Variants in VTI1A observed in about 807,000 individuals in gnomAD.
VTI1A encodes vesicle transport through interaction with t-SNAREs 1A.
A neutral mutation model predicts 34.9 loss-of-function variants in VTI1A; 22 were observed. The ratio of observed to expected loss-of-function variants is 0.63; its 90% CI spans 0.45 to 0.90. The LOEUF is 0.90. Ranked by LOEUF, VTI1A falls within the 40% of genes least tolerant of loss-of-function variation. The probability of loss-of-function intolerance (pLI) is 0.00; values close to 1 mark genes in which losing one functional copy is unlikely to be tolerated. For synonymous variants in VTI1A, 87 were observed against 97.3 expected (o/e 0.89, Z 0.62); for missense variants, 268 against 275.6 (o/e 0.97, Z 0.20).
At chr10:112,610,918 CA>C (rs768295498) in intron 5 of VTI1A, among the ~76,000 whole-genome samples, 2,752 of 120,058 alleles carry the variant, frequency 0.023, 60 homozygotes, top group African/African-American at 0.066. Context: ...GACTCCATCT[CA>C]AAAAAAAAAA....
intron 3 of VTI1A, among the ~76,000 whole-genome samples, chr10:112,518,672 C>CAT (rs1358635833): frequency 3.2e-4 from 47 of 146,512 alleles, no homozygotes; most frequent in African/African-American, 7.3e-4. Context: ...TATATATACA[C>CAT]ACACACACAC....
At chr10:112,609,927 G>A (rs1410814822) in intron 5 of VTI1A, among the ~76,000 whole-genome samples, 1 of 151,996 alleles carries the variant, frequency 6.6e-6, no homozygotes, top group Non-Finnish European at 1.5e-5. Context: ...GGATAGGGAA[G>A]TTTTAGTCTT....
At position 112,751,065 on chromosome 10, in the gene VTI1A, G is replaced by GCCTTCCTTT. The variant is rs1399256653; in HGVS notation, c.561-64225_561-64224insCCTTCCTTT. Among the ~76,000 whole-genome samples the GCCTTCCTTT allele has an allele frequency of 4.4e-4, 67 of 152,120 alleles. 1 individual carries two copies. The highest frequency in any genetic ancestry group is 1.6e-3 in the African/African-American group (67 of 41,426). ...TTCTCTTCCTTTTATATTGCCTCCTGGATTTGGGTTGTTTTCCTTTATCTG... is the reference window on the plus strand; with the variant it reads ...TTCTCTTCCTTTTATATTGCCTCCTGCCTTCCTTTGATTTGGGTTGTTTTCCTTTATCTG... On this transcript the variant is annotated intron_variant, in intron 7 of 7. Transcript: ENST00000393077.
intron 3 of VTI1A, among the ~76,000 whole-genome samples, chr10:112,490,398 C>T (rs941328752): frequency 1.3e-5 from 2 of 152,140 alleles, no homozygotes. Context: ...AAAACTCTTT[C>T]TCAATCTTCT....
intron 7 of VTI1A, among the ~76,000 whole-genome samples, chr10:112,673,076 G>A (rs1463660468): frequency 6.6e-6 from 1 of 152,052 alleles, no homozygotes; most frequent in African/African-American, 2.4e-5. Flanking sequence ...CAACACTTTG[G>A]GAGACCGAGG....
At chr10:112,549,526 T>C (rs1851266145) in intron 5 of VTI1A, among the ~76,000 whole-genome samples, 1 of 152,210 alleles carries the variant, frequency 6.6e-6, no homozygotes, top group Non-Finnish European at 1.5e-5. Context: ...TTCTCCCATA[T>C]AGGGACAGAA....
chr10:112,667,529 A>C lies in VTI1A; in HGVS notation c.428-689A>C, dbSNP rs530035984. On this transcript the variant is annotated intron_variant, in intron 5 of 7. Transcript: ENST00000393077. ...ACTCAGCAATGTGACTTTTTAAAGA[A>C]TGTTCTAAATTGCCTATAACAGTAT... Among the ~76,000 whole-genome samples, 61 of 152,322 alleles carry C rather than the reference A, an allele frequency of 4.0e-4. 1 individual carries two copies. Among genetic ancestry groups the C allele is most frequent in the African/African-American group, 1.3e-3 (52 of 41,574 alleles).
chr10:112,748,041 C>G (rs1850964506), intron 7 of VTI1A, among the ~76,000 whole-genome samples: 1 of 152,030 alleles, frequency 6.6e-6, no homozygotes, highest in Admixed American at 6.5e-5. Flanking sequence ...AACCCCTCAT[C>G]TCATAGGTGG....
chr10:112,683,066 A>C (rs947111120), intron 7 of VTI1A, among the ~76,000 whole-genome samples: 2 of 152,266 alleles, frequency 1.3e-5, no homozygotes, highest in Non-Finnish European at 2.9e-5. Context: ...TCCACAGAGC[A>C]TGCAATCTAT....
rs1851679448 is a variant in VTI1A at position 112,767,381 on chromosome 10, T to C, written c.561-47909T>C. Among the ~76,000 whole-genome samples the C allele has an allele frequency of 6.6e-6, 1 of 152,234 alleles. No individual in the cohort carries two copies. The highest frequency in any genetic ancestry group is 1.5e-5 in the Non-Finnish European group (1 of 68,042). On this transcript the variant is annotated intron_variant, in intron 7 of 7. Coordinates refer to ENST00000393077, the MANE Select transcript of VTI1A (RefSeq NM_145206.4). This position sits in a 1 kb window ranked among gnomAD's most constrained non-coding sequence, Gnocchi z 4.0. ...ACTCTTAATCATTTGTTTATTTTGCTTCCCCAAGTCCCTTCTTCACCTGGA... is the reference window on the plus strand; with the variant it reads ...ACTCTTAATCATTTGTTTATTTTGCCTCCCCAAGTCCCTTCTTCACCTGGA...
intron 3 of VTI1A, among the ~76,000 whole-genome samples, chr10:112,507,631 G>T (rs1849475547): frequency 6.6e-6 from 1 of 152,090 alleles, no homozygotes; most frequent in South Asian, 2.1e-4. Flanking sequence ...CTGCTGCCTT[G>T]CAACCCTCCT....
At chr10:112,686,986 T>C (rs1174187623) in intron 7 of VTI1A, among the ~76,000 whole-genome samples, 1 of 152,152 alleles carries the variant, frequency 6.6e-6, no homozygotes, top group African/African-American at 2.4e-5. Context: ...ATCATGCAGC[T>C]GAGCTGTCTT....
intron 4 of VTI1A, chr10:112,527,452 C>T (rs1047372172): frequency 1.4e-5 from 3 of 220,652 alleles, no homozygotes; most frequent in Non-Finnish European, 2.7e-5. Context: ...CGTTTGCAGA[C>T]AAAGCCAAGG....
intron 7 of VTI1A, among the ~76,000 whole-genome samples, chr10:112,766,445 A>G (rs1400699391): frequency 1.3e-5 from 2 of 152,230 alleles, no homozygotes; most frequent in East Asian, 3.8e-4. Context: ...TTAGTTAGAA[A>G]GAAGCTGTTT....
At chr10:112,453,652 A>G (rs941040504) in intron 1 of VTI1A, among the ~76,000 whole-genome samples, 6 of 151,674 alleles carry the variant, frequency 4.0e-5, no homozygotes, top group African/African-American at 1.5e-4. Context: ...GTATACCCCC[A>G]TCATTTTGGC....
chr10:112,812,700 C>G (rs1853360580), intron 7 of VTI1A, among the ~76,000 whole-genome samples: 1 of 152,130 alleles, frequency 6.6e-6, no homozygotes, highest in Admixed American at 6.5e-5. Flanking sequence ...CCAACTCTTT[C>G]CCCATCCCCT....
intron 1 of VTI1A, among the ~76,000 whole-genome samples, chr10:112,455,734 T>C (rs1301940305): frequency 6.7e-6 from 1 of 149,266 alleles, no homozygotes; most frequent in Non-Finnish European, 1.5e-5. Context: ...ATTTGCCTTC[T>C]TAAAAACATG....
chr10:112,789,300 TTGC>T (rs1356936478), intron 7 of VTI1A, among the ~76,000 whole-genome samples: 1 of 152,204 alleles, frequency 6.6e-6, no homozygotes, highest in Non-Finnish European at 1.5e-5. Flanking sequence ...GTGGATAGTA[TTGC>T]TAGATATAGA....
At chr10:112,684,524 C>T (rs1254512140) in intron 7 of VTI1A, among the ~76,000 whole-genome samples, 1 of 151,374 alleles carries the variant, frequency 6.6e-6, no homozygotes, top group Non-Finnish European at 1.5e-5. Context: ...CTCCAACCTC[C>T]GCCTCCTGGG....
Sources: allele counts gnomAD v4.1 joint callset (sites outside exome capture counted in the v4.1 genomes callset), GRCh38; gene constraint gnomAD v4.1.1; non-coding constraint Gnocchi (gnomAD v3.1); transcripts MANE v1.5; gene names NCBI Gene and HGNC (gene_info 2026-07-23, HGNC 2026-07-21).